UBR4: variants seen among roughly 807,000 people sequenced by gnomAD.
UBR4 encodes the protein E3 ubiquitin-protein ligase UBR4.
In UBR4, 124 loss-of-function variants were observed where a neutral mutation model predicts 575.6. The observed-to-expected ratio is 0.22, with a 90% CI of 0.19 to 0.25. The LOEUF (loss-of-function observed/expected upper bound fraction) is 0.25. UBR4 is among the 10% of genes least tolerant of loss of function. The pLI is 1.00. For synonymous variants in UBR4, 2,455 were observed against 2,473.7 expected, an observed-to-expected ratio of 0.99 and a Z score of 0.22; for missense variants, 4,818 against 6,478.8, an observed-to-expected ratio of 0.74 and a Z score of 8.80.
chr1:19,137,355 C>G (rs1397547347), intron 60 of UBR4, among the ~76,000 whole-genome samples: 1 of 151,870 alleles, frequency 6.6e-6, no homozygotes, highest in East Asian at 1.9e-4. Context: ...CAACTGCTGA[C>G]CTCAACAAAT....
intron 90 of UBR4, among the ~76,000 whole-genome samples, chr1:19,098,985 G>A (rs1388396352): frequency 6.6e-6 from 1 of 152,072 alleles, no homozygotes; most frequent in Non-Finnish European, 1.5e-5. Context: ...AGGAATGGAA[G>A]GAACAGAGAG....
Position 19,095,534 on chromosome 1 carries a change from A to C in UBR4, c.13626+11T>G. 1 of 1,613,152 alleles carries C rather than the reference A, an allele frequency of 6.2e-7. No homozygotes were observed. Among genetic ancestry groups the C allele is most frequent in the Non-Finnish European group, 8.5e-7 (1 of 1,179,656 alleles). Reference sequence around the variant, plus strand: ...GCCCACTCTTCTTCACCTGCAGTCCATGCTCCTTACCAGGTTTAGGGTCCC... The same window carrying C: ...GCCCACTCTTCTTCACCTGCAGTCCCTGCTCCTTACCAGGTTTAGGGTCCC... On this transcript the variant is annotated intron_variant, in intron 93 of 105. Coordinates refer to ENST00000375254, the MANE Select transcript of UBR4 (RefSeq NM_020765.3).
intron 78 of UBR4, among the ~76,000 whole-genome samples, 169 bp from the exon 79 acceptor site, chr1:19,111,001 G>T (rs948633511): frequency 2.6e-5 from 4 of 152,188 alleles, no homozygotes; most frequent in South Asian, 2.1e-4. Flanking sequence ...CAAAACCGTG[G>T]TCGGTAATAA....
At position 19,169,521 on chromosome 1, in the gene UBR4, C is replaced by A; in HGVS notation, c.3655G>T (p.Val1219Phe). The change falls in exon 27 of 106, where the codon GTT becomes TTT. Residue 1219 changes from valine to phenylalanine, a missense_variant. Physicochemically the swap from Val to Phe is conservative, Grantham distance 50. This residue lies in a region of UBR4 where 1,172 missense variants were observed against 1,259.7 expected (regional missense o/e 0.93). Coordinates refer to ENST00000375254, the MANE Select transcript of UBR4 (RefSeq NM_020765.3). ...TGCACTGACGATGGCAAATTCTGAACCAGTGTCGGACCTGGAGGCGACAGA... is the reference window on the plus strand; with the variant it reads ...TGCACTGACGATGGCAAATTCTGAAACAGTGTCGGACCTGGAGGCGACAGA... ...CKANTLGPTL[V>F]QNLPSSVQTV... The A allele has an allele frequency of 6.2e-7, 1 of 1,613,604 alleles. No homozygotes were observed. The highest frequency in any genetic ancestry group is 1.3e-5 in the African/African-American group (1 of 75,028).
At chr1:19,162,305 A>T in intron 35 of UBR4, 115 bp downstream of exon 35, 1 of 1,302,462 alleles carries the variant, frequency 7.7e-7, no homozygotes, top group Non-Finnish European at 1.0e-6. Context: ...TGGCAGCAAC[A>T]AGGACTAGGA....
chr1:19,203,319 G>C (rs548434728), intron 1 of UBR4, among the ~76,000 whole-genome samples: 74 of 151,992 alleles, frequency 4.9e-4, no homozygotes, highest in African/African-American at 1.8e-3. Context: ...TGGCCAATAT[G>C]GTGAAACCCC....
chr1:19,099,496 CA>C (rs141066088), intron 90 of UBR4, 100 bp downstream of exon 90: 11,179 of 1,073,296 alleles, frequency 0.01, 321 homozygotes, highest in East Asian at 0.078. Flanking sequence ...AGAGCTGCTA[CA>C]AGCCAGGTAA....
chr1:19,093,614 A>C lies in UBR4; in HGVS notation c.13938-128T>G, dbSNP rs1026233359. 4 of 1,040,698 alleles carry C rather than the reference A, an allele frequency of 3.8e-6. No individual in the cohort carries two copies. Among genetic ancestry groups the C allele is most frequent in the East Asian group, 2.6e-5 (1 of 38,734 alleles). 64.5% of individuals were successfully genotyped at this position (1,040,698 alleles called of 1,614,324 possible). A position where few individuals can be genotyped will look rare whatever the true frequency, so the allele number is the denominator to read the frequency against. ...CTAAATTCCCTAACGTGACACAAAG[A>C]CCTATCTGCCCCGGCTCCTGCCACT... On this transcript the variant is annotated intron_variant, in intron 95 of 105. Coordinates refer to ENST00000375254, the MANE Select transcript of UBR4 (RefSeq NM_020765.3). This position sits in a 1 kb window ranked among gnomAD's most constrained non-coding sequence, Gnocchi z 4.8.
chr1:19,130,815 T>A (rs112341720), intron 60 of UBR4, among the ~76,000 whole-genome samples: 10 of 152,306 alleles, frequency 6.6e-5, no homozygotes, highest in Middle Eastern at 3.4e-3. Flanking sequence ...TACAAGTGAA[T>A]ACACACACAT....
chr1:19,194,324 T>C (rs930725577), intron 8 of UBR4, among the ~76,000 whole-genome samples: 1 of 152,150 alleles, frequency 6.6e-6, no homozygotes, highest in African/African-American at 2.4e-5. Flanking sequence ...CTAAAATTGC[T>C]TTAAAAATAA....
chr1:19,160,763 C>T (rs1046466600), intron 38 of UBR4, among the ~76,000 whole-genome samples, 154 bp downstream of exon 38: 5 of 152,168 alleles, frequency 3.3e-5, no homozygotes, highest in South Asian at 2.1e-4. Flanking sequence ...ATCCTTCCCT[C>T]GTGACGACAA....
intron 14 of UBR4, 150 bp from the exon 15 acceptor site, chr1:19,185,436 C>T (rs1318353496): frequency 1.5e-6 from 1 of 682,240 alleles, no homozygotes; most frequent in Non-Finnish European, 2.3e-6. Flanking sequence ...TATCAAAACT[C>T]ATCTAAATGC....
rs2079689353 is a variant in UBR4 at position 19,110,247 on chromosome 1, A to C, written c.11978-24T>G. 1 of 1,614,086 alleles carries C rather than the reference A, an allele frequency of 6.2e-7. No individual in the cohort carries two copies. The highest frequency in any genetic ancestry group is 8.5e-7 in the Non-Finnish European group (1 of 1,180,032). The stretch of plus-strand genomic sequence containing the variant: ...AGCTAGGGATGGTCAGGAAAGGCAG[A>C]GTCACAATCAGGAACACTACACATC... On this transcript the variant is annotated intron_variant, in intron 80 of 105. Transcript: ENST00000375254. This position sits in a 1 kb window ranked among gnomAD's most constrained non-coding sequence, Gnocchi z 4.5.
intron 86 of UBR4, 25 bp from the exon 87 acceptor site, chr1:19,104,282 G>A (rs772651396): frequency 1.2e-6 from 2 of 1,611,692 alleles, no homozygotes; most frequent in Admixed American, 1.7e-5. Context: ...AAATGTTGCT[G>A]TGAGAGCTCT....
At position 19,185,134 on chromosome 1, in the gene UBR4, C is replaced by T. The variant is rs2091394175; in HGVS notation, c.1903G>A (p.Gly635Ser). 1.2e-6 allele frequency: 2 copies of T among 1,614,138 alleles called. No homozygotes were observed. Among genetic ancestry groups the T allele is most frequent in the Non-Finnish European group, 1.7e-6 (2 of 1,180,030 alleles). Reference protein sequence around the residue: ...SPSKQAPGEKGNILASRKDPE... With the variant: ...SPSKQAPGEKSNILASRKDPE... ...TCTTTGCGACTCGCCAGAATGTTGC[C>T]CTTCTCACCAGGGGCCTGCTTACTG... The change falls in exon 15 of 106, where the codon GGC (glycine) becomes AGC (serine). Residue 635 changes from glycine to serine, a missense_variant. Coordinates refer to ENST00000375254, the MANE Select transcript of UBR4 (RefSeq NM_020765.3).
chr1:19,160,863 A>C, intron 38 of UBR4, 54 bp downstream of exon 38: 1 of 1,567,588 alleles, frequency 6.4e-7, no homozygotes, highest in East Asian at 2.3e-5. Context: ...TCTCACACCA[A>C]TTCAACAGGC....
At chr1:19,137,200 T>C (rs1044675639) in intron 60 of UBR4, among the ~76,000 whole-genome samples, 1 of 151,220 alleles carries the variant, frequency 6.6e-6, no homozygotes, top group Non-Finnish European at 1.5e-5. Context: ...CTCGGGAGGC[T>C]GAGGTAGGAG....
intron 26 of UBR4, 142 bp downstream of exon 26, chr1:19,170,620 A>T: frequency 8.7e-7 from 1 of 1,148,092 alleles, no homozygotes; most frequent in Non-Finnish European, 1.2e-6. Flanking sequence ...AGATCAAAAT[A>T]GACAAACCTA....
rs769750915 is a variant in UBR4, at chr1:19,099,590, C to T, written c.13302+7G>A. ...CCACACCTCCAAACGAGAAAGCAGG[C>T]ACATACCTCATTCGTGGTACACCAG... On this transcript the variant is annotated splice_region_variant and intron_variant, in intron 90 of 105. Coordinates refer to ENST00000375254, the MANE Select transcript of UBR4 (RefSeq NM_020765.3). 7 of 1,612,986 alleles carry T rather than the reference C, an allele frequency of 4.3e-6. No individual in the cohort carries two copies. In the Admixed American group the frequency reaches 6.7e-5, roughly 15 times the overall value.
Sources: gnomAD v4.1 joint callset for allele counts (sites outside exome capture counted in the v4.1 genomes callset) on GRCh38, gnomAD v4.1.1 for gene constraint, gnomAD v4.1.1 regional missense constraint, Gnocchi (gnomAD v3.1) non-coding constraint, MANE v1.5 for transcripts, NCBI Gene and HGNC (gene_info 2026-07-23, HGNC 2026-07-21) for gene names.